RIMS2: variants seen among roughly 807,000 people sequenced by gnomAD.
The protein encoded by RIMS2 is regulating synaptic membrane exocytosis 2.
RIMS2 carries 59 observed loss-of-function variants against 174.4 expected under a neutral mutation model. The observed-to-expected ratio is 0.34, with a 90% CI of 0.27 to 0.42. The LOEUF is 0.42. RIMS2 is among the 10% of genes least tolerant of loss of function. The pLI is 1.00. For synonymous variants in RIMS2, 606 were observed against 572.5 expected (o/e 1.06, Z -0.84); for missense variants, 1,620 against 1,666.3 (o/e 0.97, Z 0.48).
intron 17 of RIMS2, among the ~76,000 whole-genome samples, chr8:104,002,161 C>T (rs2095414720): frequency 6.6e-6 from 1 of 152,022 alleles, no homozygotes; most frequent in African/African-American, 2.4e-5. Flanking sequence ...ATACTATGCC[C>T]TTGGACTCCA....
Position 103,992,274 on chromosome 8 carries a change from ATTTT to A in RIMS2, c.3044+2873_3044+2876del, listed in dbSNP as rs1186537194. Among the ~76,000 whole-genome samples, 985 of 107,068 alleles carry A rather than the reference ATTTT, an allele frequency of 9.2e-3. 7 individuals are homozygous for A. Among genetic ancestry groups the A allele is most frequent in the African/African-American group, 0.034 (902 of 26,400 alleles). 70.2% of individuals were successfully genotyped at this position (107,068 alleles called of 152,430 possible). ...CAGGCATGTGCCACCATGTCCAGCT[ATTTT>A]TTTTTTTTTTTTTTTTTTTGTATTT... On this transcript the variant is annotated intron_variant, in intron 17 of 23. Coordinates refer to ENST00000504942, the Ensembl canonical transcript of RIMS2.
intron 3 of RIMS2, among the ~76,000 whole-genome samples, chr8:103,769,490 A>AT (rs2098223455): frequency 2.0e-5 from 3 of 151,892 alleles, no homozygotes; most frequent in Non-Finnish European, 2.9e-5. Context: ...TGCCTGGCTA[A>AT]TTTTTTTGTA....
intron 19 of RIMS2, among the ~76,000 whole-genome samples, chr8:104,159,649 G>C (rs180872689): frequency 6.6e-6 from 1 of 152,162 alleles, no homozygotes; most frequent in Non-Finnish European, 1.5e-5. Flanking sequence ...TCTCATTGTG[G>C]TTTGGATTTG....
At chr8:103,956,973 T>C (rs1255040628) in intron 14 of RIMS2, among the ~76,000 whole-genome samples, 3 of 152,152 alleles carry the variant, frequency 2.0e-5, no homozygotes, top group Non-Finnish European at 2.9e-5. Flanking sequence ...AAAGAATACA[T>C]TTATGTGGCC....
intron 1 of RIMS2, among the ~76,000 whole-genome samples, chr8:103,583,552 A>T (rs2430749): frequency 0.39 from 59,418 of 151,948 alleles, 12,278 homozygotes; most frequent in East Asian, 0.77. Flanking sequence ...GATAACACAG[A>T]GAAGAAATTC....
At chr8:103,913,581 T>C (rs2076138994) in intron 6 of RIMS2, among the ~76,000 whole-genome samples, 1 of 152,172 alleles carries the variant, frequency 6.6e-6, no homozygotes, top group African/African-American at 2.4e-5. Context: ...AATACCTGAC[T>C]GGGTAATTTA....
chr8:103,970,995 G>T (rs2092804519), intron 15 of RIMS2, among the ~76,000 whole-genome samples: 1 of 152,072 alleles, frequency 6.6e-6, no homozygotes, highest in South Asian at 2.1e-4. Context: ...TTTTTCTCAA[G>T]TAAGCAATTC....
chr8:103,628,608 C>T (rs548405770), intron 1 of RIMS2, among the ~76,000 whole-genome samples: 19 of 152,012 alleles, frequency 1.2e-4, no homozygotes, highest in South Asian at 4.2e-4. Flanking sequence ...CCCACCTTGG[C>T]GTCCCATGGC....
intron 4 of RIMS2, chr8:103,910,035 G>T (rs550701064): frequency 5.9e-6 from 4 of 683,580 alleles, no homozygotes; most frequent in Non-Finnish European, 1.0e-5. Flanking sequence ...AAGTTCTTGA[G>T]ACCAGACAGG....
intron 21 of RIMS2, 58 bp from the exon 28 acceptor site, chr8:104,249,429 T>C (rs2099351741): frequency 2.3e-6 from 2 of 871,892 alleles, no homozygotes; most frequent in African/African-American, 3.3e-5. Flanking sequence ...TCTTTGACTC[T>C]ATTTTCCTTA....
chr8:103,986,744 G>C (rs1313618349), intron 16 of RIMS2, among the ~76,000 whole-genome samples: 1 of 151,858 alleles, frequency 6.6e-6, no homozygotes, highest in African/African-American at 2.4e-5. Flanking sequence ...GTGGTGAAAG[G>C]CACCTCTAAT....
intron 1 of RIMS2, among the ~76,000 whole-genome samples, chr8:103,695,296 A>T (rs1250753542): frequency 6.6e-6 from 1 of 152,124 alleles, no homozygotes; most frequent in Non-Finnish European, 1.5e-5. Context: ...CTGCTGAGGG[A>T]CAAATGTTGG....
At chr8:103,675,874 C>G (rs960888686) in intron 1 of RIMS2, among the ~76,000 whole-genome samples, 6 of 152,060 alleles carry the variant, frequency 3.9e-5, no homozygotes, top group Non-Finnish European at 8.8e-5. Context: ...TTTCTTTTCT[C>G]TATTTACTCT....
At chr8:104,195,731 C>T (rs2099020999) in intron 19 of RIMS2, among the ~76,000 whole-genome samples, 1 of 151,904 alleles carries the variant, frequency 6.6e-6, no homozygotes. Context: ...CCCAGGATGG[C>T]TCAAACTCCT....
At chr8:103,678,440 G>A (rs2096841186) in intron 1 of RIMS2, among the ~76,000 whole-genome samples, 1 of 152,132 alleles carries the variant, frequency 6.6e-6, no homozygotes, top group Non-Finnish European at 1.5e-5. Flanking sequence ...TGTAGTAAAT[G>A]TCATATAATA....
At chr8:104,202,242 G>A (rs7018343) in intron 19 of RIMS2, among the ~76,000 whole-genome samples, 5,144 of 152,214 alleles carry the variant, frequency 0.034, 195 homozygotes, top group East Asian at 0.14. Flanking sequence ...TTTTAAAAGA[G>A]CAGAAGTACT....
intron 12 of RIMS2, 94 bp from the exon 15 acceptor site, chr8:103,936,457 C>T (rs1438833994): frequency 4.3e-6 from 3 of 703,134 alleles, no homozygotes; most frequent in Non-Finnish European, 6.7e-6. Context: ...TAAAACTTCA[C>T]CTGACTTGTC....
At chr8:103,653,737 T>C (rs976585088) in intron 1 of RIMS2, among the ~76,000 whole-genome samples, 11 of 152,174 alleles carry the variant, frequency 7.2e-5, no homozygotes, top group African/African-American at 2.7e-4. Flanking sequence ...TTTTATGTTA[T>C]ATTTTGTCAG....
At chr8:103,948,693 G>A (rs886974664) in intron 14 of RIMS2, among the ~76,000 whole-genome samples, 2 of 152,066 alleles carry the variant, frequency 1.3e-5, no homozygotes, top group African/African-American at 2.4e-5. Context: ...ACTGAAAATG[G>A]GTGTGAACAA....
Sources: allele counts gnomAD v4.1 joint callset (sites outside exome capture counted in the v4.1 genomes callset), GRCh38; gene constraint gnomAD v4.1.1; transcripts MANE v1.5; gene names NCBI Gene and HGNC (gene_info 2026-07-23, HGNC 2026-07-21).